ATF7IP2: variants seen among roughly 807,000 people sequenced by gnomAD.
The protein encoded by ATF7IP2 is activating transcription factor 7-interacting protein 2.
Under a neutral mutation model 64.2 loss-of-function variants are expected in ATF7IP2, and 42 were observed. The observed-to-expected ratio is 0.65, with a 90% CI of 0.51 to 0.85. The LOEUF (loss-of-function observed/expected upper bound fraction) is 0.85. Among genes scored for constraint, ATF7IP2 ranks in the 40% least tolerant of loss-of-function variants. ATF7IP2 has a pLI of 0.00. For synonymous variants in ATF7IP2, 308 were observed against 272.8 expected (o/e 1.13, Z -1.27); for missense variants, 933 against 784.2 (o/e 1.19, Z -2.27).
Position 10,440,399 on chromosome 16 carries a change from A to C in ATF7IP2, c.1131A>C (p.Thr377=), listed in dbSNP as rs377556995. The part of the protein sequence containing the change: ...KIAKLQRRIK[T]VLLFQRNCLK... ...CAAAACTTCAAAGACGTATTAAAAC[A>C]GTATTATTATTTCAAAGGAATTGTT... Residue 377 remains threonine, a synonymous_variant, in exon 8 of 14, where the codon ACA becomes ACC. Coordinates refer to ENST00000562102, the MANE Select transcript of ATF7IP2 (RefSeq NM_001393719.1). 212 of 1,566,192 alleles carry C rather than the reference A, an allele frequency of 1.4e-4. 2 individuals are homozygous for C. The highest frequency in any genetic ancestry group is 1.3e-3 in the South Asian group (106 of 82,932).
chr16:10,475,489 A>T (rs935889430), intron 12 of ATF7IP2, among the ~76,000 whole-genome samples: 2 of 152,270 alleles, frequency 1.3e-5, no homozygotes, highest in South Asian at 4.1e-4. Context: ...CAGGAGATCA[A>T]GACTATCCTG....
intron 1 of ATF7IP2, among the ~76,000 whole-genome samples, chr16:10,394,646 G>A (rs1295483303): frequency 6.6e-6 from 1 of 152,074 alleles, no homozygotes; most frequent in Admixed American, 6.6e-5. Context: ...CACTTAAAAG[G>A]ACTGAAATTA....
At chr16:10,441,203 A>G (rs946134629) in intron 8 of ATF7IP2, among the ~76,000 whole-genome samples, 10 of 152,180 alleles carry the variant, frequency 6.6e-5, no homozygotes, top group Non-Finnish European at 1.0e-4. Flanking sequence ...TAGTGCTGCA[A>G]TAAACGTACG....
In ATF7IP2 at chr16:10,419,803, C is replaced by T. The variant is rs574336712; in HGVS notation, c.-160+180C>T. ...ACCCAAATTGGCTGTTGATTCAGTC[C>T]TGGCAAAACACAAGCATAACCTCTA... On this transcript the variant is annotated intron_variant, in intron 3 of 13. Coordinates refer to ENST00000562102, the MANE Select transcript of ATF7IP2 (RefSeq NM_001393719.1). Among the ~76,000 whole-genome samples, 298 of 152,292 alleles carry T rather than the reference C, an allele frequency of 2.0e-3. 2 individuals are homozygous for T. The highest frequency in any genetic ancestry group is 6.9e-3 in the African/African-American group (288 of 41,570).
At chr16:10,446,264 C>T (rs1036083487) in intron 8 of ATF7IP2, 23 of 152,208 alleles carry the variant, frequency 1.5e-4, no homozygotes, top group African/African-American at 5.6e-4. Context: ...GATCTCCAGT[C>T]AAGAAACCTG....
intron 6 of ATF7IP2, among the ~76,000 whole-genome samples, chr16:10,436,251 A>G (rs2048414857): frequency 7.2e-5 from 11 of 152,208 alleles, no homozygotes; most frequent in Admixed American, 7.2e-4. Context: ...AGGCTCAGCT[A>G]CTAGGAAGGC....
At chr16:10,438,731 G>T (rs573577376) in intron 7 of ATF7IP2, among the ~76,000 whole-genome samples, 1 of 152,192 alleles carries the variant, frequency 6.6e-6, no homozygotes, top group African/African-American at 2.4e-5. Flanking sequence ...GAACTGTTAG[G>T]CATTCTGTGT....
chr16:10,472,598 G>A (rs966652168), intron 10 of ATF7IP2, among the ~76,000 whole-genome samples: 1 of 152,074 alleles, frequency 6.6e-6, no homozygotes, highest in Non-Finnish European at 1.5e-5. Flanking sequence ...GCTCACACCT[G>A]TAATCCAAGC....
chr16:10,390,490 A>C (rs1345909842), intron 1 of ATF7IP2, among the ~76,000 whole-genome samples: 1 of 152,184 alleles, frequency 6.6e-6, no homozygotes, highest in Non-Finnish European at 1.5e-5. Context: ...AAATTAGAAA[A>C]AAAGGTAATA....
At chr16:10,459,027 AAAT>A (rs35159382) in intron 9 of ATF7IP2, among the ~76,000 whole-genome samples, 2,096 of 150,224 alleles carry the variant, frequency 0.014, 48 homozygotes, top group Admixed American at 0.049. Flanking sequence ...CTCTACTAAA[AAAT>A]AATAATAATA....
intron 8 of ATF7IP2, among the ~76,000 whole-genome samples, chr16:10,451,914 G>A (rs1160074847): frequency 4.6e-5 from 7 of 152,006 alleles, no homozygotes; most frequent in South Asian, 4.1e-4. Context: ...GTAGCTGGGC[G>A]TGGTGGTGCA....
At position 10,457,399 on chromosome 16, in the gene ATF7IP2, G is replaced by C. The variant is rs746401028; in HGVS notation, c.1222G>C (p.Asp408His). 6.2e-7 allele frequency: 1 copy of C among 1,606,736 alleles called. No homozygotes were observed. Among genetic ancestry groups the C allele is most frequent in the East Asian group, 2.2e-5 (1 of 44,510 alleles). Residue 408 changes from aspartate (D) to histidine (H), a missense_variant, in exon 9 of 14, where the codon GAT becomes CAT. Coordinates refer to ENST00000562102, the MANE Select transcript of ATF7IP2 (RefSeq NM_001393719.1). ...TGCAAATTCAGAGGCTATGATTTTG[G>C]ATAAGAATCTTGAGTCAGTTAATAG... Reference protein sequence around the residue: ...KVANSEAMILDKNLESVNSPI... With the variant: ...KVANSEAMILHKNLESVNSPI...
At chr16:10,431,694 A>G (rs1440507560) in intron 5 of ATF7IP2, among the ~76,000 whole-genome samples, 1 of 152,204 alleles carries the variant, frequency 6.6e-6, no homozygotes, top group Non-Finnish European at 1.5e-5. Context: ...ACAAAATATC[A>G]AAAGGTGGTT....
intron 8 of ATF7IP2, among the ~76,000 whole-genome samples, chr16:10,456,713 A>G (rs950413648): frequency 6.6e-6 from 1 of 152,120 alleles, no homozygotes; most frequent in Admixed American, 6.5e-5. Flanking sequence ...CAGATGTCAG[A>G]TGAGCACCCA....
At chr16:10,426,613 C>T (rs997653153) in intron 3 of ATF7IP2, among the ~76,000 whole-genome samples, 1 of 152,144 alleles carries the variant, frequency 6.6e-6, no homozygotes. Context: ...CATGGTATAG[C>T]ACCGTGTCCT....
intron 1 of ATF7IP2, among the ~76,000 whole-genome samples, chr16:10,397,365 T>C (rs1409594055): frequency 1.3e-5 from 2 of 152,262 alleles, no homozygotes; most frequent in Non-Finnish European, 2.9e-5. Flanking sequence ...TTGATTTCTA[T>C]GAAAAGCGTC....
At chr16:10,392,216 C>G (rs975161369) in intron 1 of ATF7IP2, among the ~76,000 whole-genome samples, 1 of 151,644 alleles carries the variant, frequency 6.6e-6, no homozygotes, top group Non-Finnish European at 1.5e-5. Context: ...AATTTTTGTA[C>G]TTAGTAGAAA....
intron 10 of ATF7IP2, 44 bp downstream of exon 10, chr16:10,472,227 C>A: frequency 2.0e-6 from 2 of 987,020 alleles, no homozygotes; most frequent in Non-Finnish European, 2.9e-6. Context: ...AGTTAGAAGG[C>A]CTTAAATCAA....
chr16:10,471,546 C>T (rs1308329591), intron 9 of ATF7IP2, among the ~76,000 whole-genome samples: 2 of 151,338 alleles, frequency 1.3e-5, no homozygotes, highest in Non-Finnish European at 2.9e-5. Context: ...AAAAAAGTCG[C>T]TCATAAAAAA....
Sources: allele counts gnomAD v4.1 joint callset (sites outside exome capture counted in the v4.1 genomes callset), GRCh38; gene constraint gnomAD v4.1.1; transcripts MANE v1.5; gene names NCBI Gene and HGNC (gene_info 2026-07-23, HGNC 2026-07-21).